The following RP1 variants were observed in gnomAD, a reference collection of about 807,000 sequenced individuals.
RP1 encodes oxygen-regulated protein 1.
Under a neutral mutation model 14.8 loss-of-function variants are expected in RP1, and 16 were observed. The ratio of observed to expected loss-of-function variants is 1.08; its 90% CI spans 0.73 to 1.65. The LOEUF (loss-of-function observed/expected upper bound fraction) is 1.65. Ranked by LOEUF, RP1 falls within the 40% of genes most tolerant of loss-of-function variation. The pLI, the probability that RP1 is intolerant of heterozygous loss-of-function variation, is 0.00. For synonymous variants in RP1, 876 were observed against 883.6 expected, an observed-to-expected ratio of 0.99 and a Z score of 0.15; for missense variants, 2,631 against 2,535.0, an observed-to-expected ratio of 1.04 and a Z score of -0.81.
intron 3 of RP1, among the ~76,000 whole-genome samples, chr8:54,624,229 C>G (rs1403375906): frequency 6.6e-6 from 1 of 151,854 alleles, no homozygotes; most frequent in East Asian, 1.9e-4. Flanking sequence ...ATCATGAGGT[C>G]AGGAGATCGA....
chr8:54,844,556 G>T (rs868501005), intron 25 of RP1, among the ~76,000 whole-genome samples: 1 of 151,872 alleles, frequency 6.6e-6, no homozygotes, highest in African/African-American at 2.4e-5. Context: ...CTCTGTGTGT[G>T]CATATGTGTG....
chr8:54,672,010 G>C (rs1585595619), intron 7 of RP1, among the ~76,000 whole-genome samples: 1 of 152,170 alleles, frequency 6.6e-6, no homozygotes, highest in Non-Finnish European at 1.5e-5. Context: ...TGGAGGTTTG[G>C]GACCTCTCAA....
chr8:54,704,170 C>T (rs1808095476), intron 14 of RP1, among the ~76,000 whole-genome samples: 1 of 152,194 alleles, frequency 6.6e-6, no homozygotes, highest in South Asian at 2.1e-4. Flanking sequence ...TTAGATCTGC[C>T]TCAGCTTTTG....
intron 15 of RP1, among the ~76,000 whole-genome samples, chr8:54,711,357 G>C (rs774754318): frequency 6.6e-6 from 1 of 152,036 alleles, no homozygotes; most frequent in Non-Finnish European, 1.5e-5. Context: ...CCTGTTCTTG[G>C]AAGATTATTG....
chr8:54,699,585 T>G, intron 13 of RP1: 1 of 1,287,484 alleles, frequency 7.8e-7, no homozygotes, highest in South Asian at 2.1e-5. Context: ...GTAGTAAATT[T>G]TCTTTTTGCC....
rs1321915339 is a variant in RP1 at position 54,628,229 on chromosome 8, C to G, written c.4347C>G (p.Gly1449=). 3.3e-5 allele frequency: 53 copies of G among 1,613,852 alleles called. No homozygotes were observed. The highest frequency in any genetic ancestry group is 4.5e-5 in the Non-Finnish European group (53 of 1,179,936). ...AACCACGGACTTCTGAAGAACCAGG[C>G]TCAATAACCAACAGCATGACATCAA... ...MEEPRTSEEP[G]SITNSMTSSE... Residue 1449 remains glycine, a synonymous_variant, in exon 4 of 4, where the codon GGC becomes GGG. Coordinates refer to ENST00000220676, the MANE Select transcript of RP1 (RefSeq NM_006269.2).
chr8:54,738,050 A>G (rs1024072342), intron 18 of RP1, among the ~76,000 whole-genome samples: 1 of 152,210 alleles, frequency 6.6e-6, no homozygotes, highest in Admixed American at 6.5e-5. Flanking sequence ...ATATCTGCTT[A>G]TAAGTCTGTC....
Position 54,629,049 on chromosome 8 carries a change from A to G in RP1, c.5167A>G (p.Thr1723Ala). 1 of 1,614,118 alleles carries G rather than the reference A, an allele frequency of 6.2e-7. No individual in the cohort carries two copies. ...YCRGDIVEPG[T>A]KQNDDSRILT... ...TAGGGGTGACATTGTAGAACCTGGT[A>G]CAAAACAAAATGATGATAGCAGAAT... Residue 1723 changes from threonine to alanine, a missense_variant, in exon 4 of 4, where the codon ACA becomes GCA. Coordinates refer to ENST00000220676, the MANE Select transcript of RP1 (RefSeq NM_006269.2).
intron 27 of RP1, among the ~76,000 whole-genome samples, chr8:54,865,649 T>C (rs946335628): frequency 6.7e-6 from 1 of 148,326 alleles, no homozygotes; most frequent in Non-Finnish European, 1.5e-5. Context: ...CTGCTTCTAG[T>C]ACTCTGAGTA....
intron 12 of RP1, among the ~76,000 whole-genome samples, chr8:54,682,223 T>A (rs540619164): frequency 6.6e-6 from 1 of 152,124 alleles, no homozygotes; most frequent in Non-Finnish European, 1.5e-5. Context: ...TTGGCCTTTT[T>A]TCCCCTTTTT....
intron 6 of RP1, chr8:54,663,587 C>G: frequency 9.7e-7 from 1 of 1,032,522 alleles, no homozygotes; most frequent in Non-Finnish European, 1.3e-6. Flanking sequence ...TTTCTGGCAT[C>G]CACTGGGGAT....
chr8:54,804,724 A>G (rs920202332), intron 24 of RP1, among the ~76,000 whole-genome samples: 2 of 152,236 alleles, frequency 1.3e-5, no homozygotes, highest in Admixed American at 6.5e-5. Context: ...ATAACACAGC[A>G]CTCATGTGAA....
intron 19 of RP1, among the ~76,000 whole-genome samples, chr8:54,739,873 A>G (rs1471933893): frequency 6.6e-6 from 1 of 152,034 alleles, no homozygotes; most frequent in African/African-American, 2.4e-5. Flanking sequence ...TAGTGATGTC[A>G]CAGCTGTTGT....
At chr8:54,699,471 C>G in exon 13 of RP1, 1 of 1,361,744 alleles carries the variant, frequency 7.3e-7, no homozygotes, top group Non-Finnish European at 9.6e-7. Flanking sequence ...TTCCAGGTGT[C>G]TTTGATGTTA....
At chr8:54,609,911 C>T (rs376196078) in intron 1 of RP1, among the ~76,000 whole-genome samples, 1 of 152,188 alleles carries the variant, frequency 6.6e-6, no homozygotes, top group Admixed American at 6.5e-5. Flanking sequence ...TAAATCTTCC[C>T]TTTTGACTGG....
chr8:54,724,460 T>G (rs952722593), intron 16 of RP1, among the ~76,000 whole-genome samples: 6 of 152,182 alleles, frequency 3.9e-5, no homozygotes, highest in Non-Finnish European at 5.9e-5. Context: ...TCACTAATCA[T>G]CCAAATCCAG....
At chr8:54,605,148 T>C (rs1805397144) in intron 1 of RP1, among the ~76,000 whole-genome samples, 1 of 152,218 alleles carries the variant, frequency 6.6e-6, no homozygotes, top group Non-Finnish European at 1.5e-5. Context: ...CAATTTTAGA[T>C]CTTGTCTTCT....
chr8:54,582,776 G>A (rs1804827101), intron 1 of RP1, among the ~76,000 whole-genome samples: 1 of 152,130 alleles, frequency 6.6e-6, no homozygotes, highest in Non-Finnish European at 1.5e-5. Flanking sequence ...TTGTGAATGG[G>A]AGTTCAGTCA....
At chr8:54,667,380 A>G (rs1342784908) in intron 7 of RP1, among the ~76,000 whole-genome samples, 1 of 152,134 alleles carries the variant, frequency 6.6e-6, no homozygotes, top group Non-Finnish European at 1.5e-5. Flanking sequence ...CCTAACTTGG[A>G]GCCATGACAG....
Sources: gnomAD v4.1 joint callset for allele counts (sites outside exome capture counted in the v4.1 genomes callset) on GRCh38, gnomAD v4.1.1 for gene constraint, MANE v1.5 for transcripts, NCBI Gene and HGNC (gene_info 2026-07-23, HGNC 2026-07-21) for gene names.